The following FER variants were observed in gnomAD, a reference collection of about 807,000 sequenced individuals.
FER encodes FER tyrosine kinase.
A neutral mutation model predicts 111.0 loss-of-function variants in FER; 63 were observed. The ratio of observed to expected loss-of-function variants is 0.57; its 90% CI spans 0.46 to 0.70. The LOEUF (loss-of-function observed/expected upper bound fraction) is 0.70, where lower values mean the gene tolerates loss of function less well. Among genes scored for constraint, FER ranks in the 30% least tolerant of loss-of-function variants. The pLI, the probability that FER is intolerant of heterozygous loss-of-function variation, is 0.00. For missense variants in FER, 914 were observed against 954.0 expected (o/e 0.96, Z 0.55); for synonymous variants, 327 against 313.9 (o/e 1.04, Z -0.44).
intron 6 of FER, 21 bp from the exon 7 acceptor site, chr5:108,871,344 A>G (rs1764582032): frequency 3.1e-6 from 5 of 1,597,558 alleles, no homozygotes; most frequent in Non-Finnish European, 2.6e-6. Flanking sequence ...AAATGCTGCA[A>G]AATTTTATTT....
intron 1 of FER, among the ~76,000 whole-genome samples, chr5:108,759,911 G>C (rs1751533917): frequency 6.6e-6 from 1 of 152,102 alleles, no homozygotes; most frequent in African/African-American, 2.4e-5. Context: ...ATAGCAACTG[G>C]AAGAGGGAAA....
chr5:109,074,759 A>G (rs561648915), intron 16 of FER, among the ~76,000 whole-genome samples: 1 of 152,362 alleles, frequency 6.6e-6, no homozygotes, highest in South Asian at 2.1e-4. Flanking sequence ...GCTTTTGCGA[A>G]AGCAGAGTTT....
intron 10 of FER, among the ~76,000 whole-genome samples, chr5:108,931,785 G>A (rs1029804346): frequency 1.3e-5 from 2 of 151,972 alleles, no homozygotes; most frequent in African/African-American, 4.8e-5. Context: ...AGCCAAGAAT[G>A]CACCATTGCA....
intron 5 of FER, among the ~76,000 whole-genome samples, chr5:108,850,052 G>A (rs1762403424): frequency 6.6e-6 from 1 of 151,948 alleles, no homozygotes; most frequent in Non-Finnish European, 1.5e-5. Flanking sequence ...AAAATTAGCT[G>A]GGCATGGTGG....
At chr5:108,759,508 T>G (rs1429519594) in intron 1 of FER, among the ~76,000 whole-genome samples, 3 of 152,258 alleles carry the variant, frequency 2.0e-5, no homozygotes, top group Non-Finnish European at 4.4e-5. Flanking sequence ...GGTACCAGTT[T>G]CTGTCTTAGT....
chr5:109,051,040 T>C (rs553343918), intron 16 of FER, among the ~76,000 whole-genome samples: 1 of 152,344 alleles, frequency 6.6e-6, no homozygotes, highest in African/African-American at 2.4e-5. Flanking sequence ...CTATGTATCA[T>C]GTAATGGAAC....
intron 3 of FER, among the ~76,000 whole-genome samples, chr5:108,800,555 A>G (rs1227828802): frequency 6.6e-6 from 1 of 152,040 alleles, no homozygotes; most frequent in Admixed American, 6.6e-5. Flanking sequence ...GTCTCAGTAT[A>G]TTGCCCAGGC....
chr5:108,954,694 C>G, intron 11 of FER, 35 bp from the exon 12 acceptor site: 1 of 1,356,662 alleles, frequency 7.4e-7, no homozygotes, highest in Non-Finnish European at 9.8e-7. Flanking sequence ...AGTATTTTCT[C>G]TAATTTAGTT....
rs1747631071 is a variant in FER, at chr5:109,097,083, A to G, written c.1925-3313A>G. Among the ~76,000 whole-genome samples the G allele has an allele frequency of 2.0e-5, 3 of 151,078 alleles. 1 individual carries two copies. In the Admixed American group the frequency reaches 2.0e-4, roughly 10 times the overall value. ...GGCACATGCTTGATACTTTAAATAC[A>G]TTTTAGTCTTCAAAGCCGTCTTGAG... is the stretch of plus-strand genomic sequence containing the variant. On this transcript the variant is annotated intron_variant, in intron 16 of 19. Coordinates refer to ENST00000281092, the MANE Select transcript of FER (RefSeq NM_005246.4).
intron 2 of FER, among the ~76,000 whole-genome samples, chr5:108,779,349 G>A (rs1753808812): frequency 6.6e-6 from 1 of 152,028 alleles, no homozygotes; most frequent in Non-Finnish European, 1.5e-5. Flanking sequence ...GATTTTGATT[G>A]GGATTAAATT....
intron 12 of FER, among the ~76,000 whole-genome samples, chr5:108,958,029 T>A (rs914011383): frequency 6.6e-6 from 1 of 151,712 alleles, no homozygotes; most frequent in Non-Finnish European, 1.5e-5. Flanking sequence ...AATTAACAAC[T>A]GCTTTGAACT....
At chr5:108,989,378 A>C (rs1295495205) in intron 13 of FER, among the ~76,000 whole-genome samples, 1 of 152,116 alleles carries the variant, frequency 6.6e-6, no homozygotes, top group Non-Finnish European at 1.5e-5. Context: ...GTTGCTTTAC[A>C]TTACAAATAA....
At chr5:109,054,283 C>T (rs950952657) in intron 16 of FER, among the ~76,000 whole-genome samples, 3 of 152,190 alleles carry the variant, frequency 2.0e-5, no homozygotes, top group Non-Finnish European at 2.9e-5. Context: ...TCCTCCCCAT[C>T]GTCGTCAGCA....
At chr5:109,146,405 G>A (rs1380791506) in intron 17 of FER, among the ~76,000 whole-genome samples, 31 of 149,530 alleles carry the variant, frequency 2.1e-4, no homozygotes, top group African/African-American at 6.6e-4. Flanking sequence ...TCCAGCTGGC[G>A]TTAAAGAGGT....
At chr5:108,900,010 G>T (rs1037640470) in intron 10 of FER, among the ~76,000 whole-genome samples, 1 of 152,256 alleles carries the variant, frequency 6.6e-6, no homozygotes, top group East Asian at 1.9e-4. Flanking sequence ...TTACAAGATG[G>T]TGCTGCATAT....
intron 3 of FER, among the ~76,000 whole-genome samples, chr5:108,821,372 A>T (rs917806882): frequency 3.9e-5 from 6 of 152,102 alleles, no homozygotes; most frequent in Non-Finnish European, 2.9e-5. Context: ...ATAGGGGAAA[A>T]TTTTTAAATG....
At position 108,794,592 on chromosome 5, in the gene FER, G is replaced by C. The variant is rs902705739; in HGVS notation, c.-59-3532G>C. ...AGTGTGGTGCTGATGAAATCCTTCA[G>C]CTTTTGTTTGTTTGGGAACATCTTT... is the stretch of plus-strand genomic sequence containing the variant. On this transcript the variant is annotated intron_variant, in intron 2 of 19. Coordinates refer to ENST00000281092, the MANE Select transcript of FER (RefSeq NM_005246.4). 3.7e-5 allele frequency among the ~76,000 whole-genome samples: 5 copies of C among 136,656 alleles called. No individual in the cohort carries two copies. The Admixed American group carries it at 4.4e-4, about 12-fold the overall frequency. The allele number at this position is 136,656 out of a possible 152,430, so 89.7% of individuals were successfully genotyped here.
At chr5:109,186,054 A>T in intron 18 of FER, 146 bp from the exon 19 acceptor site, 1 of 1,147,528 alleles carries the variant, frequency 8.7e-7, no homozygotes, top group Non-Finnish European at 1.3e-6. Flanking sequence ...TAGCTCCATT[A>T]TACTGGGACC....
chr5:109,172,830 CA>C (rs1757287406), intron 17 of FER, among the ~76,000 whole-genome samples: 1 of 151,928 alleles, frequency 6.6e-6, no homozygotes, highest in East Asian at 1.9e-4. Flanking sequence ...CAATGTGGCC[CA>C]CAGGTGATAG....
Sources: allele counts gnomAD v4.1 joint callset (sites outside exome capture counted in the v4.1 genomes callset), GRCh38; gene constraint gnomAD v4.1.1; transcripts MANE v1.5; gene names NCBI Gene and HGNC (gene_info 2026-07-23, HGNC 2026-07-21).